The following CYP19A1 variants were observed in gnomAD, a reference collection of about 807,000 sequenced individuals.
The protein encoded by CYP19A1 is aromatase.
In CYP19A1, 32 loss-of-function variants were observed where a neutral mutation model predicts 44.4. That is an observed-to-expected ratio of 0.72 (90% CI 0.54 to 0.97). CYP19A1 has a LOEUF of 0.97. Among genes scored for constraint, CYP19A1 ranks in the 50% least tolerant of loss-of-function variants. The pLI, the probability that CYP19A1 is intolerant of heterozygous loss-of-function variation, is 0.00. For missense variants in CYP19A1, 598 were observed against 637.8 expected (o/e 0.94, Z 0.67); for synonymous variants, 212 against 215.6 (o/e 0.98, Z 0.14).
intron 1 of CYP19A1, among the ~76,000 whole-genome samples, chr15:51,309,433 G>A (rs1307442710): frequency 6.6e-6 from 1 of 152,160 alleles, no homozygotes; most frequent in Non-Finnish European, 1.5e-5. Context: ...CTCCTTGGCA[G>A]ATGGCCCCCA....
intron 1 of CYP19A1, among the ~76,000 whole-genome samples, chr15:51,292,777 G>A (rs1453948799): frequency 6.6e-6 from 1 of 151,908 alleles, no homozygotes; most frequent in Non-Finnish European, 1.5e-5. Flanking sequence ...CATTTACACT[G>A]GGGGAAGGTC....
intron 1 of CYP19A1, among the ~76,000 whole-genome samples, chr15:51,295,460 C>A (rs2035975061): frequency 6.6e-6 from 1 of 152,082 alleles, no homozygotes; most frequent in South Asian, 2.1e-4. Flanking sequence ...ACTGGAACAT[C>A]AATTTTCCCC....
chr15:51,236,918 C>G lies in CYP19A1; in HGVS notation c.237G>C (p.Arg79=), dbSNP rs749406233. The part of the protein sequence containing the change: ...GIGSACNYYN[R]VYGEFMRVWI... ...AGACTCGCATGAATTCTCCATATAC[C>G]CGGTTGTAGTAGTTGCAGGCACTGC... Residue 79 remains arginine (R), a synonymous_variant, in exon 3 of 10, where the codon CGG becomes CGC. Transcript: ENST00000396402. The G allele has an allele frequency of 6.2e-7, 1 of 1,614,136 alleles. No homozygotes were observed. The highest frequency in any genetic ancestry group is 8.5e-7 in the Non-Finnish European group (1 of 1,180,038).
chr15:51,313,377 T>C (rs2036353924), intron 1 of CYP19A1, among the ~76,000 whole-genome samples: 1 of 152,088 alleles, frequency 6.6e-6, no homozygotes, highest in Admixed American at 6.5e-5. Flanking sequence ...CCACCTAAAC[T>C]GGGGCCATAG....
rs1399333024 is a variant in CYP19A1 at position 51,242,985 on chromosome 15, TC to T, written c.-38-36del. On this transcript the variant is annotated intron_variant, in intron 1 of 9. Coordinates refer to ENST00000396402, the MANE Select transcript of CYP19A1 (RefSeq NM_000103.4). ...TCAAAGGGACAGAAAAATTACAGAATCCCCTAAAAGGTTCATCTATAGCTCC... is the reference window on the plus strand; with the variant it reads ...TCAAAGGGACAGAAAAATTACAGAATCCCTAAAAGGTTCATCTATAGCTCC... 27 of 1,083,476 alleles carry T rather than the reference TC, an allele frequency of 2.5e-5. No individual in the cohort carries two copies. The African/African-American group carries it at 3.5e-4, about 14-fold the overall frequency. 67.1% of individuals were successfully genotyped at this position (1,083,476 alleles called of 1,614,324 possible).
intron 1 of CYP19A1, among the ~76,000 whole-genome samples, chr15:51,302,748 G>C (rs748185414): frequency 6.6e-6 from 1 of 152,198 alleles, no homozygotes; most frequent in Non-Finnish European, 1.5e-5. Context: ...ACCTCCTCTG[G>C]CAGGCCTTCT....
intron 1 of CYP19A1, among the ~76,000 whole-genome samples, chr15:51,317,699 A>C (rs2036453337): frequency 6.6e-6 from 1 of 152,162 alleles, no homozygotes. Flanking sequence ...TGGTGAGGGA[A>C]TATGATGGAA....
intron 3 of CYP19A1, among the ~76,000 whole-genome samples, chr15:51,235,311 A>G (rs1447863745): frequency 6.6e-6 from 1 of 152,170 alleles, no homozygotes; most frequent in African/African-American, 2.4e-5. Flanking sequence ...CTTTGTTAAA[A>G]CACGGATCGC....
chr15:51,243,106 A>C, intron 1 of CYP19A1, 156 bp from the exon 2 acceptor site: 1 of 620,930 alleles, frequency 1.6e-6, no homozygotes, highest in East Asian at 2.9e-5. Context: ...TTACAAGTCA[A>C]AACAAGGAAG....
chr15:51,315,248 G>T (rs1162632522), intron 1 of CYP19A1, among the ~76,000 whole-genome samples: 1 of 152,110 alleles, frequency 6.6e-6, no homozygotes, highest in Non-Finnish European at 1.5e-5. Flanking sequence ...CGGTCAGAAG[G>T]TTATGCGTGC....
At chr15:51,306,706 G>A (rs956256560) in intron 1 of CYP19A1, among the ~76,000 whole-genome samples, 4 of 152,176 alleles carry the variant, frequency 2.6e-5, no homozygotes, top group Non-Finnish European at 5.9e-5. Context: ...CCATGATGAT[G>A]TCTATAACAC....
intron 4 of CYP19A1, among the ~76,000 whole-genome samples, chr15:51,225,391 C>T (rs754336385): frequency 6.6e-6 from 1 of 152,208 alleles, no homozygotes; most frequent in Admixed American, 6.5e-5. Context: ...GTCAAATGTA[C>T]ATTTCTACGG....
Position 51,209,388 on chromosome 15 carries a change from CT to C in CYP19A1, c.*1419del, listed in dbSNP as rs1245882837. ...AGCTCCTGCTTTCAGGGAGATTACACTGTCATCTTATACTCAGCTTATTACT... is the reference window on the plus strand; with the variant it reads ...AGCTCCTGCTTTCAGGGAGATTACACGTCATCTTATACTCAGCTTATTACT... On this transcript the variant is annotated 3_prime_UTR_variant, in exon 10 of 10. Coordinates refer to ENST00000396402, the MANE Select transcript of CYP19A1 (RefSeq NM_000103.4). 1.3e-5 allele frequency: 2 copies of C among 152,194 alleles called. No individual in the cohort carries two copies. Among genetic ancestry groups the C allele is most frequent in the African/African-American group, 4.8e-5 (2 of 41,454 alleles). 9.4% of individuals were successfully genotyped at this position (152,194 alleles called of 1,614,324 possible). A position where few individuals can be genotyped will look rare whatever the true frequency, so the allele number is the denominator to read the frequency against.
At chr15:51,213,300 C>G (rs1321593580) in intron 8 of CYP19A1, among the ~76,000 whole-genome samples, 5 of 152,170 alleles carry the variant, frequency 3.3e-5, no homozygotes, top group Admixed American at 3.3e-4. Context: ...CTCACTGTCT[C>G]AGATTAGCCT....
At chr15:51,302,133 C>CT (rs1289221484) in intron 1 of CYP19A1, among the ~76,000 whole-genome samples, 1 of 152,082 alleles carries the variant, frequency 6.6e-6, no homozygotes, top group Non-Finnish European at 1.5e-5. Context: ...CACATTCAGT[C>CT]TTTTTTTTCA....
chr15:51,233,890 T>C (rs2033206999), intron 3 of CYP19A1, among the ~76,000 whole-genome samples: 1 of 152,146 alleles, frequency 6.6e-6, no homozygotes, highest in South Asian at 2.1e-4. Context: ...GCACACATCA[T>C]CTACAGCTCA....
chr15:51,213,844 T>C (rs1400549280), intron 8 of CYP19A1, among the ~76,000 whole-genome samples: 1 of 152,178 alleles, frequency 6.6e-6, no homozygotes, highest in Non-Finnish European at 1.5e-5. Flanking sequence ...GCCCCGTGAG[T>C]GCAGGGGTGG....
chr15:51,317,388 C>A lies in CYP19A1; in HGVS notation c.-39+21107G>T, dbSNP rs181058931. ...CCTCCCAAAGTGCTGGGATTACAGG[C>A]GTGAGCCACTGCGCCCGGCAAGAGA... On this transcript the variant is annotated intron_variant, in intron 1 of 9. Coordinates refer to ENST00000396402, the MANE Select transcript of CYP19A1 (RefSeq NM_000103.4). 5.8e-4 allele frequency among the ~76,000 whole-genome samples: 88 copies of A among 152,268 alleles called. No individual in the cohort carries two copies. In the East Asian group the frequency reaches 0.016, roughly 28 times the overall value.
At chr15:51,231,437 GA>G (rs2033025231) in intron 3 of CYP19A1, among the ~76,000 whole-genome samples, 1 of 151,862 alleles carries the variant, frequency 6.6e-6, no homozygotes, top group African/African-American at 2.4e-5. Flanking sequence ...AGAAAGTTGG[GA>G]AAAAATTACT....
Sources: gnomAD v4.1 joint callset for allele counts (sites outside exome capture counted in the v4.1 genomes callset) on GRCh38, gnomAD v4.1.1 for gene constraint, MANE v1.5 for transcripts, NCBI Gene and HGNC (gene_info 2026-07-23, HGNC 2026-07-21) for gene names.